ITGA3: variants seen among roughly 807,000 people sequenced by gnomAD.
ITGA3 encodes the protein integrin subunit alpha 3.
Under a neutral mutation model 131.1 loss-of-function variants are expected in ITGA3, and 70 were observed. That is an observed-to-expected ratio of 0.53 (90% CI 0.44 to 0.65). The LOEUF is 0.65. ITGA3 is among the 30% of genes least tolerant of loss of function. The probability of loss-of-function intolerance (pLI) is 0.00; values close to 1 mark genes in which losing one functional copy is unlikely to be tolerated. For missense variants in ITGA3, 1,098 were observed against 1,388.6 expected (o/e 0.79, Z 3.33); for synonymous variants, 537 against 571.6 (o/e 0.94, Z 0.86).
chr17:50,088,122 GC>G, intron 24 of ITGA3, 102 bp from the exon 25 acceptor site: 6 of 1,432,590 alleles, frequency 4.2e-6, no homozygotes, highest in Non-Finnish European at 5.6e-6. Flanking sequence ...CTGAGCCCCA[GC>G]CCCCAGGCTC....
rs1170001862 is a variant in ITGA3 at position 50,064,731 on chromosome 17, A to G, written c.414+124A>G. 4.3e-6 allele frequency: 3 copies of G among 697,090 alleles called. No individual in the cohort carries two copies. The highest frequency in any genetic ancestry group is 5.6e-5 in the East Asian group (2 of 35,672). The allele number at this position is 697,090 out of a possible 1,614,324, so 43.2% of individuals were successfully genotyped here. A position where few individuals can be genotyped will look rare whatever the true frequency, so the allele number is the denominator to read the frequency against. On this transcript the variant is annotated intron_variant, in intron 3 of 25. Transcript: ENST00000320031. This position sits in a 1 kb window ranked among gnomAD's most constrained non-coding sequence, Gnocchi z 4.4. ...CGCGTGTGTGCTGGGGCCTGCACAC[A>G]TGTCCCTTCCTGTGGCTGTGTGTCC...
At position 50,064,491 on chromosome 17, in the gene ITGA3, G is replaced by C. The variant is rs760844499; in HGVS notation, c.335-37G>C. 2 of 1,583,638 alleles carry C rather than the reference G, an allele frequency of 1.3e-6. No individual in the cohort carries two copies. The highest frequency in any genetic ancestry group is 8.6e-7 in the Non-Finnish European group (1 of 1,163,322). ...AGACTTTGGGCACTGAAGTATGGGT[G>C]AGGTGCTCTGATTCATGATCCTTCC... On this transcript the variant is annotated intron_variant, in intron 2 of 25. Coordinates refer to ENST00000320031, the MANE Select transcript of ITGA3 (RefSeq NM_002204.4). This position sits in a 1 kb window ranked among gnomAD's most constrained non-coding sequence, Gnocchi z 4.4.
intron 23 of ITGA3, chr17:50,087,294 A>C: frequency 6.4e-6 from 1 of 155,562 alleles, no homozygotes. Flanking sequence ...CAGCTCGTGA[A>C]TAGCAAACCT....
chr17:50,079,422 A>G lies in ITGA3; in HGVS notation c.2584-13A>G, dbSNP rs1305873295. 2.6e-6 allele frequency: 4 copies of G among 1,551,288 alleles called. No homozygotes were observed. Among genetic ancestry groups the G allele is most frequent in the Admixed American group, 3.9e-5 (2 of 51,438 alleles). On this transcript the variant is annotated splice_polypyrimidine_tract_variant and intron_variant, in intron 20 of 25. Coordinates refer to ENST00000320031, the MANE Select transcript of ITGA3 (RefSeq NM_002204.4). Reference sequence around the variant, plus strand: ...CCTCTGCCCTGCCAGCAAATCTCCTATTTCCTCTCCAGGACCCTGGGGACA... The same window carrying G: ...CCTCTGCCCTGCCAGCAAATCTCCTGTTTCCTCTCCAGGACCCTGGGGACA...
intron 1 of ITGA3, among the ~76,000 whole-genome samples, chr17:50,063,140 G>T (rs1248838195): frequency 6.7e-6 from 1 of 148,452 alleles, no homozygotes; most frequent in Non-Finnish European, 1.5e-5. Flanking sequence ...TCTGGTATGG[G>T]ACGGGTTGCC....
At position 50,088,324 on chromosome 17, in the gene ITGA3, G is replaced by A. The variant is rs566143997; in HGVS notation, c.3145G>A (p.Asp1049Asn). The A allele has an allele frequency of 9.5e-6, 15 of 1,574,432 alleles. No individual in the cohort carries two copies. Among genetic ancestry groups the A allele is most frequent in the Admixed American group, 5.6e-5 (3 of 53,800 alleles). Residue 1049 changes from aspartate to asparagine, a missense_variant, in exon 25 of 26, where the codon GAC becomes AAC. Coordinates refer to ENST00000320031, the MANE Select transcript of ITGA3 (RefSeq NM_002204.4). ...SQPSETERLTDDY is the reference protein window; with the variant it reads ...SQPSETERLTNDY The stretch of plus-strand genomic sequence containing the variant: ...GCCGTCAGAGACAGAGAGGCTGACC[G>A]ACGACTACTGAGGGGGCAGCCCCCC...
intron 25 of ITGA3, 90 bp downstream of exon 25, chr17:50,088,456 T>C (rs1909567709): frequency 3.0e-6 from 2 of 664,886 alleles, no homozygotes; most frequent in Non-Finnish European, 2.7e-6. Flanking sequence ...CTTATGGGCC[T>C]GCTCTGACCT....
At position 50,064,026 on chromosome 17, in the gene ITGA3, A is replaced by G; in HGVS notation, c.207-51A>G. On this transcript the variant is annotated intron_variant, in intron 1 of 25. Coordinates refer to ENST00000320031, the MANE Select transcript of ITGA3 (RefSeq NM_002204.4). This position sits in a 1 kb window ranked among gnomAD's most constrained non-coding sequence, Gnocchi z 4.4. ...GTTGAATAAATAACAAGTTGTTCCA[A>G]GTGGGGCTTGGGGAGTCTGAACCCG... The G allele has an allele frequency of 6.3e-7, 1 of 1,599,332 alleles. No homozygotes were observed. Among genetic ancestry groups the G allele is most frequent in the East Asian group, 2.2e-5 (1 of 44,474 alleles).
intron 1 of ITGA3, among the ~76,000 whole-genome samples, chr17:50,061,721 G>A (rs904393861): frequency 1.3e-5 from 2 of 152,146 alleles, no homozygotes; most frequent in African/African-American, 4.8e-5. Context: ...CTCTGCTCCA[G>A]GTTCCCTAAC....
intron 12 of ITGA3, 34 bp from the exon 13 acceptor site, chr17:50,076,292 G>T (rs1263843502): frequency 6.2e-7 from 1 of 1,604,506 alleles, no homozygotes; most frequent in Non-Finnish European, 8.5e-7. Flanking sequence ...AGGGAGCAGT[G>T]CAGGGCCGGG....
Position 50,079,146 on chromosome 17 carries a change from T to A in ITGA3, c.2471T>A (p.Val824Asp). The change falls in exon 20 of 26, where the codon GTC becomes GAC. Residue 824 changes from valine (V) to aspartate (D), a missense_variant. Transcript: ENST00000320031. ...CTAGGTCTGGAGTGGCCCTACGAAG[T>A]CAGCAATGGCAAGTGGCTGCTGTAT... ...LVLGLEWPYE[V>D]SNGKWLLYPT... is the part of the protein sequence containing the mutation. 6.2e-7 allele frequency: 1 copy of A among 1,613,904 alleles called. No homozygotes were observed. Among genetic ancestry groups the A allele is most frequent in the Non-Finnish European group, 8.5e-7 (1 of 1,179,944 alleles).
chr17:50,074,489 C>A lies in ITGA3; in HGVS notation c.1424C>A (p.Pro475His). ...VINIVHKTLV[P>H]RPAVLDPALC... is the part of the protein sequence containing the mutation. Reference sequence around the variant, plus strand: ...AACATCGTCCACAAGACCTTGGTGCCCAGGCCAGCTGTGCTGGACCCTGCA... The same window carrying A: ...AACATCGTCCACAAGACCTTGGTGCACAGGCCAGCTGTGCTGGACCCTGCA... The change falls in exon 10 of 26, where the codon CCC (proline) becomes CAC (histidine). Residue 475 changes from proline to histidine, a missense_variant. By Grantham distance (77) the Pro-to-His change is moderately conservative. Transcript: ENST00000320031. The A allele has an allele frequency of 1.2e-6, 2 of 1,614,096 alleles. No homozygotes were observed. Among genetic ancestry groups the A allele is most frequent in the Non-Finnish European group, 1.7e-6 (2 of 1,180,012 alleles).
chr17:50,067,963 G>A, intron 3 of ITGA3, 93 bp from the exon 4 acceptor site: 26 of 1,533,616 alleles, frequency 1.7e-5, no homozygotes, highest in Non-Finnish European at 2.2e-5. Context: ...TTTGACTCCT[G>A]TTTGGCAAAG....
rs1205081772 is a variant in ITGA3 at position 50,067,576 on chromosome 17, A to C, written c.415-480A>C. ...GGGTCACTAGCAGGCTTAACACTTA[A>C]TATGTGAGGAGTTCAGAATTGTGCC... On this transcript the variant is annotated intron_variant, in intron 3 of 25. Coordinates refer to ENST00000320031, the MANE Select transcript of ITGA3 (RefSeq NM_002204.4). Among the ~76,000 whole-genome samples, 4 of 152,208 alleles carry C rather than the reference A, an allele frequency of 2.6e-5. No homozygotes were observed. The East Asian group carries it at 5.8e-4, about 22-fold the overall frequency.
At chr17:50,086,468 C>G (rs184301263) in intron 23 of ITGA3, 1 of 150,854 alleles carries the variant, frequency 6.6e-6, no homozygotes, top group African/African-American at 2.4e-5. Flanking sequence ...GCAGGTGGAT[C>G]ACCTGAGTTC....
At position 50,090,476 on chromosome 17, in the gene ITGA3, T is replaced by C; in HGVS notation, c.*1398T>C. 1 of 234,216 alleles carries C rather than the reference T, an allele frequency of 4.3e-6. No individual in the cohort carries two copies. The highest frequency in any genetic ancestry group is 9.0e-6 in the Non-Finnish European group (1 of 111,374). The allele number at this position is 234,216 out of a possible 1,614,324, so 14.5% of individuals were successfully genotyped here. A position where few individuals can be genotyped will look rare whatever the true frequency, so the allele number is the denominator to read the frequency against. On this transcript the variant is annotated 3_prime_UTR_variant, in exon 26 of 26. Transcript: ENST00000320031. Reference sequence around the variant, plus strand: ...ACGGCGACCAATAAACAGCTCCCAGTTTGTATGCAGCTGCATCTGCTTCCA... The same window carrying C: ...ACGGCGACCAATAAACAGCTCCCAGCTTGTATGCAGCTGCATCTGCTTCCA...
chr17:50,081,458 G>C, intron 23 of ITGA3, 50 bp downstream of exon 23: 3 of 1,317,638 alleles, frequency 2.3e-6, no homozygotes, highest in Non-Finnish European at 2.1e-6. Context: ...GAGCTTGAGA[G>C]TACAGGGCAT....
chr17:50,078,235 A>G lies in ITGA3; in HGVS notation c.2248A>G (p.Met750Val). Residue 750 changes from methionine (M) to valine (V), a missense_variant, in exon 18 of 26, where the codon ATG (methionine) becomes GTG (valine). By Grantham distance (21) the Met-to-Val change is conservative. This residue lies in a region of ITGA3 where 699 missense variants were observed against 829.2 expected (regional missense o/e 0.84). Coordinates refer to ENST00000320031, the MANE Select transcript of ITGA3 (RefSeq NM_002204.4). ...GAGTCACCAGGACAACCTGTGGCCC[A>G]TGATCCTCACTCTGCTGGTGGACTA... ...TSSHQDNLWPMILTLLVDYTL... is the reference protein window; with the variant it reads ...TSSHQDNLWPVILTLLVDYTL... 1 of 1,614,028 alleles carries G rather than the reference A, an allele frequency of 6.2e-7. No individual in the cohort carries two copies. Among genetic ancestry groups the G allele is most frequent in the Non-Finnish European group, 8.5e-7 (1 of 1,179,976 alleles).
At chr17:50,087,718 G>A in intron 23 of ITGA3, 26 bp from the exon 24 acceptor site, 1 of 1,604,366 alleles carries the variant, frequency 6.2e-7, no homozygotes, top group South Asian at 1.1e-5. Context: ...CTGACACAGG[G>A]CTGAGTCCTC....
Sources: allele counts gnomAD v4.1 joint callset (sites outside exome capture counted in the v4.1 genomes callset), GRCh38; gene constraint gnomAD v4.1.1; regional missense constraint gnomAD v4.1.1; non-coding constraint Gnocchi (gnomAD v3.1); transcripts MANE v1.5; gene names NCBI Gene and HGNC (gene_info 2026-07-23, HGNC 2026-07-21).